Variants in EYS observed in about 807,000 individuals in gnomAD.
The protein encoded by EYS is protein eyes shut homolog.
In EYS, 250 loss-of-function variants were observed where a neutral mutation model predicts 282.1. The observed-to-expected ratio is 0.89, with a 90% CI of 0.80 to 0.98. The LOEUF (loss-of-function observed/expected upper bound fraction) is 0.98, where lower values mean the gene tolerates loss of function less well. Among genes scored for constraint, EYS ranks in the 50% least tolerant of loss-of-function variants. The probability of loss-of-function intolerance (pLI) is 0.00; values close to 1 mark genes in which losing one functional copy is unlikely to be tolerated. For synonymous variants in EYS, 1,355 were observed against 1,282.9 expected (o/e 1.06, Z -1.20); for missense variants, 4,016 against 3,709.0 (o/e 1.08, Z -2.15).
At chr6:65,244,529 T>TTATTATC (rs1562046451) in intron 12 of EYS, among the ~76,000 whole-genome samples, 2 of 152,014 alleles carry the variant, frequency 1.3e-5, no homozygotes, top group African/African-American at 2.4e-5. Context: ...TATTTATTAT[T>TTATTATC]TGAGACCAAG....
At chr6:64,497,364 A>G (rs999669364) in intron 26 of EYS, among the ~76,000 whole-genome samples, 1 of 152,164 alleles carries the variant, frequency 6.6e-6, no homozygotes, top group Non-Finnish European at 1.5e-5. Context: ...CATTTAGTTG[A>G]TGATCTGACT....
intron 19 of EYS, among the ~76,000 whole-genome samples, chr6:64,828,109 A>T (rs1478682902): frequency 6.6e-6 from 1 of 151,942 alleles, no homozygotes; most frequent in African/African-American, 2.4e-5. Context: ...GGAAAATAAT[A>T]CAAGATGAAG....
intron 12 of EYS, among the ~76,000 whole-genome samples, chr6:65,204,881 CGTATTTATATATTCTGGAAGAAT>C (rs1437816325): frequency 0.16 from 21,533 of 137,444 alleles, 2,205 homozygotes; most frequent in Middle Eastern, 0.2. Flanking sequence ...TCTGGAAGAA[CGTATTTATATATTCTGGAAGAAT>C]GTATTTATAT....
intron 26 of EYS, among the ~76,000 whole-genome samples, chr6:64,487,492 C>A (rs185490597): frequency 6.0e-5 from 9 of 150,862 alleles, no homozygotes; most frequent in Admixed American, 2.7e-4. Flanking sequence ...GAATTAATAT[C>A]CATTTAAAAT....
intron 31 of EYS, among the ~76,000 whole-genome samples, chr6:64,094,487 G>C (rs1772505660): frequency 6.6e-6 from 1 of 152,022 alleles, no homozygotes; most frequent in Non-Finnish European, 1.5e-5. Context: ...GTCTTGGGAG[G>C]GTGTATGTGT....
Position 64,213,247 on chromosome 6 carries a change from T to C in EYS, c.6424+17345A>G, listed in dbSNP as rs560045343. 1.2e-3 allele frequency among the ~76,000 whole-genome samples: 182 copies of C among 151,780 alleles called. 1 individual carries two copies. The highest frequency in any genetic ancestry group is 7.5e-3 in the South Asian group (36 of 4,788). On this transcript the variant is annotated intron_variant, in intron 31 of 42. Transcript: ENST00000503581. Reference sequence around the variant, plus strand: ...AGTTAAAAAAAATTTCAACATAAGTTTTGAAGGGGACATTAAAACCATAGC... The same window carrying C: ...AGTTAAAAAAAATTTCAACATAAGTCTTGAAGGGGACATTAAAACCATAGC...
chr6:65,356,333 C>T (rs951020685), intron 8 of EYS, among the ~76,000 whole-genome samples: 5 of 151,870 alleles, frequency 3.3e-5, no homozygotes, highest in African/African-American at 1.2e-4. Flanking sequence ...GAAGTTGGAT[C>T]AAGGATACGA....
intron 12 of EYS, among the ~76,000 whole-genome samples, chr6:65,215,095 C>G (rs963044681): frequency 1.3e-5 from 2 of 152,058 alleles, no homozygotes; most frequent in African/African-American, 4.8e-5. Context: ...ATTCATTCTG[C>G]AGTCCATAGA....
intron 22 of EYS, among the ~76,000 whole-genome samples, chr6:64,703,039 G>T (rs768494797): frequency 1.3e-5 from 2 of 151,958 alleles, no homozygotes; most frequent in Non-Finnish European, 2.9e-5. Context: ...CTCAAGAACT[G>T]TGAAGCTTCA....
chr6:64,942,293 C>T (rs1769114010), intron 15 of EYS, among the ~76,000 whole-genome samples: 2 of 143,910 alleles, frequency 1.4e-5, no homozygotes, highest in Non-Finnish European at 3.0e-5. Context: ...AACTAATGAT[C>T]CAATATCATA....
At position 63,900,644 on chromosome 6, in the gene EYS, A is replaced by T. The variant is rs185682239; in HGVS notation, c.7056-36286T>A. ...AAAAGCAGGGAAAGAGTGAAAAATT[A>T]TGTAAAGTTTAATGTGCTTCACATT... is the stretch of plus-strand genomic sequence containing the variant. On this transcript the variant is annotated intron_variant, in intron 35 of 42. Transcript: ENST00000503581. Among the ~76,000 whole-genome samples the T allele has an allele frequency of 2.0e-5, 3 of 151,980 alleles. No individual in the cohort carries two copies. In the East Asian group the frequency reaches 5.8e-4, roughly 30 times the overall value.
rs529064455 is a variant in EYS at position 64,093,460 on chromosome 6, G to A, written c.6425-11458C>T. Among the ~76,000 whole-genome samples the A allele has an allele frequency of 2.6e-5, 4 of 152,176 alleles. No individual in the cohort carries two copies. In the South Asian group the frequency reaches 8.3e-4, roughly 32 times the overall value. On this transcript the variant is annotated intron_variant, in intron 31 of 42. Transcript: ENST00000503581. ...AGTGGTTTGTAGTTCTCCTTGAAGA[G>A]GTCCTTCACATCCCTTGTCAGTTGG...
chr6:64,646,092 T>G (rs947542456), intron 22 of EYS, among the ~76,000 whole-genome samples: 6 of 152,194 alleles, frequency 3.9e-5, no homozygotes, highest in African/African-American at 1.4e-4. Context: ...GTAGCTACAC[T>G]TCTTGTGTAA....
intron 33 of EYS, among the ~76,000 whole-genome samples, chr6:64,045,924 A>G (rs1033370779): frequency 1.5e-4 from 22 of 147,302 alleles, no homozygotes; most frequent in Non-Finnish European, 2.7e-4. Context: ...TTATATATGT[A>G]ATATATAATA....
chr6:65,326,485 T>G (rs758972238), intron 11 of EYS, among the ~76,000 whole-genome samples: 4 of 151,482 alleles, frequency 2.6e-5, no homozygotes, highest in Non-Finnish European at 5.9e-5. Context: ...AATGTTTGAT[T>G]TAACACCCCA....
intron 12 of EYS, among the ~76,000 whole-genome samples, chr6:65,279,724 T>C (rs976977904): frequency 1.3e-5 from 2 of 152,210 alleles, no homozygotes; most frequent in Non-Finnish European, 2.9e-5. Context: ...TCTGGCATCA[T>C]GTTAAAATCA....
intron 12 of EYS, among the ~76,000 whole-genome samples, chr6:65,291,283 C>T (rs1768517824): frequency 6.6e-6 from 1 of 151,332 alleles, no homozygotes. Flanking sequence ...AAGTCAAAAC[C>T]ATAATGATTA....
At chr6:65,436,896 A>C (rs1245254976) in intron 5 of EYS, among the ~76,000 whole-genome samples, 8 of 152,156 alleles carry the variant, frequency 5.3e-5, no homozygotes, top group African/African-American at 1.9e-4. Flanking sequence ...GAAATTTCTA[A>C]TCAAAACTTA....
intron 12 of EYS, among the ~76,000 whole-genome samples, chr6:65,104,139 A>G (rs1237809153): frequency 1.3e-5 from 2 of 151,420 alleles, no homozygotes; most frequent in African/African-American, 4.8e-5. Context: ...AGTTTATGTT[A>G]ATAAGATGCT....
Sources: allele counts gnomAD v4.1 joint callset (sites outside exome capture counted in the v4.1 genomes callset), GRCh38; gene constraint gnomAD v4.1.1; transcripts MANE v1.5; gene names NCBI Gene and HGNC (gene_info 2026-07-23, HGNC 2026-07-21).